RAB7A: variants seen among roughly 807,000 people sequenced by gnomAD.
RAB7A encodes the protein ras-related protein Rab-7a.
A neutral mutation model predicts 24.5 loss-of-function variants in RAB7A; 2 were observed. The ratio of observed to expected loss-of-function variants is 0.08; its 90% confidence interval spans 0.03 to 0.26. The LOEUF (loss-of-function observed/expected upper bound fraction) is 0.26, where lower values mean the gene tolerates loss of function less well. RAB7A is among the 10% of genes least tolerant of loss of function. RAB7A has a pLI of 1.00. For synonymous variants in RAB7A, 100 were observed against 95.9 expected (o/e 1.04, Z -0.25); for missense variants, 118 against 255.7 (o/e 0.46, Z 3.67).
rs148920859 is a variant in RAB7A, at chr3:128,798,311, A to C, written c.180+242A>C. 2,529 of 442,554 alleles carry C rather than the reference A, an allele frequency of 5.7e-3. 44 individuals carry two copies. Among genetic ancestry groups the C allele is most frequent in the African/African-American group, 0.04 (1,983 of 49,874 alleles). 27.4% of individuals were successfully genotyped at this position (442,554 alleles called of 1,614,324 possible). ...ACTAAAAAATTCTTCTTAAAAAAAA[A>C]CTCAGATTTATCCTTTCTTGTTTTT... On this transcript the variant is annotated intron_variant, in intron 3 of 5. Coordinates refer to ENST00000265062, the MANE Select transcript of RAB7A (RefSeq NM_004637.6).
chr3:128,748,524 T>G (rs1269136283), intron 1 of RAB7A: 2 of 152,244 alleles, frequency 1.3e-5, no homozygotes, highest in Non-Finnish European at 2.9e-5. Context: ...TGATGGAGCC[T>G]TCCTCCAGTT....
chr3:128,738,622 C>T (rs1028482926), intron 1 of RAB7A, among the ~76,000 whole-genome samples: 1 of 152,146 alleles, frequency 6.6e-6, no homozygotes, highest in Non-Finnish European at 1.5e-5. Flanking sequence ...TTTACTGAAT[C>T]CCTGGGGCTT....
chr3:128,809,950 T>C (rs1288758547), intron 5 of RAB7A, among the ~76,000 whole-genome samples: 1 of 98,648 alleles, frequency 1.0e-5, no homozygotes, highest in African/African-American at 3.6e-5. Flanking sequence ...TTTTTTTTTT[T>C]TTTTTTTTTT....
intron 1 of RAB7A, among the ~76,000 whole-genome samples, chr3:128,781,108 GA>G (rs1933209247): frequency 6.6e-6 from 1 of 152,204 alleles, no homozygotes; most frequent in Non-Finnish European, 1.5e-5. Context: ...ATTTGTATTA[GA>G]AATACAACAA....
chr3:128,755,561 C>T (rs2070722738), intron 1 of RAB7A, among the ~76,000 whole-genome samples: 1 of 152,108 alleles, frequency 6.6e-6, no homozygotes, highest in South Asian at 2.1e-4. Context: ...AAAAGACTAA[C>T]AAAATTGACA....
chr3:128,782,995 A>G (rs1378679540), intron 1 of RAB7A, among the ~76,000 whole-genome samples: 1 of 152,142 alleles, frequency 6.6e-6, no homozygotes, highest in Non-Finnish European at 1.5e-5. Context: ...CCTCAGGGGA[A>G]CCTAAAAGAA....
intron 1 of RAB7A, chr3:128,764,948 G>A (rs1279322322): frequency 6.3e-7 from 1 of 1,595,976 alleles, no homozygotes; most frequent in East Asian, 2.2e-5. Flanking sequence ...AGGTTGATCT[G>A]GCCGTTGATG....
chr3:128,804,068 A>G (rs1174398369), intron 3 of RAB7A, among the ~76,000 whole-genome samples: 1 of 151,794 alleles, frequency 6.6e-6, no homozygotes, highest in Non-Finnish European at 1.5e-5. Context: ...ACCCCGAGAA[A>G]CTGTTATCAC....
intron 3 of RAB7A, among the ~76,000 whole-genome samples, chr3:128,800,664 ACT>A (rs1933678972): frequency 6.6e-6 from 1 of 152,078 alleles, no homozygotes; most frequent in South Asian, 2.1e-4. Flanking sequence ...CTGTCAGGTG[ACT>A]CTTGGCAGTA....
intron 4 of RAB7A, among the ~76,000 whole-genome samples, chr3:128,806,989 C>T (rs144616490): frequency 6.6e-6 from 1 of 152,360 alleles, no homozygotes; most frequent in East Asian, 1.9e-4. Context: ...AATACCATTT[C>T]TGTTGGAAAC....
At chr3:128,771,835 G>A (rs1303828250) in intron 1 of RAB7A, among the ~76,000 whole-genome samples, 2 of 152,190 alleles carry the variant, frequency 1.3e-5, no homozygotes, top group Non-Finnish European at 2.9e-5. Context: ...CTTGGCTTCA[G>A]CCCTGGAAGC....
At chr3:128,787,644 T>C (rs1469000659) in intron 1 of RAB7A, among the ~76,000 whole-genome samples, 1 of 152,242 alleles carries the variant, frequency 6.6e-6, no homozygotes, top group African/African-American at 2.4e-5. Flanking sequence ...ATCCTCTTTA[T>C]CTGCAGTCAA....
chr3:128,808,315 G>A (rs189130420), intron 5 of RAB7A, among the ~76,000 whole-genome samples: 146 of 152,176 alleles, frequency 9.6e-4, no homozygotes, highest in Middle Eastern at 6.8e-3. Context: ...AGCCAAGATC[G>A]TGCCACTGTA....
rs563116703 is a variant in RAB7A at position 128,745,944 on chromosome 3, C to T, written c.-9+19585C>T. Among the ~76,000 whole-genome samples the T allele has an allele frequency of 4.0e-4, 61 of 152,352 alleles. 2 individuals are homozygous for T. In the South Asian group the frequency reaches 0.012, roughly 29 times the overall value. On this transcript the variant is annotated intron_variant, in intron 1 of 5. Coordinates refer to ENST00000265062, the MANE Select transcript of RAB7A (RefSeq NM_004637.6). ...ACAGCAATGTGGGCTTCTTGACCAG[C>T]GCCCCCTGGCACCTATTTAAGTCCA...
chr3:128,736,385 T>C (rs902166497), intron 1 of RAB7A, among the ~76,000 whole-genome samples: 2 of 152,218 alleles, frequency 1.3e-5, no homozygotes, highest in African/African-American at 4.8e-5. Context: ...ACTAGTCTGT[T>C]TCTTTTGAAA....
At chr3:128,792,036 T>G (rs776510076) in intron 1 of RAB7A, among the ~76,000 whole-genome samples, 2 of 152,348 alleles carry the variant, frequency 1.3e-5, no homozygotes, top group Non-Finnish European at 2.9e-5. Context: ...TCCCATAGAT[T>G]ACAGCATTTT....
chr3:128,810,342 T>C (rs1933898518), intron 5 of RAB7A, among the ~76,000 whole-genome samples: 1 of 152,208 alleles, frequency 6.6e-6, no homozygotes, highest in Non-Finnish European at 1.5e-5. Context: ...ATTGGAATTT[T>C]TTTCTTCAAG....
chr3:128,795,407 C>T lies in RAB7A; in HGVS notation c.40C>T (p.Leu14=). The change falls in exon 2 of 6, where the codon CTG becomes TTG. Residue 14 remains leucine, a synonymous_variant. Transcript: ENST00000265062. The part of the protein sequence containing the change: ...RKKVLLKVII[L]GDSGVGKTSL... ...GAAAGTGTTGCTGAAGGTTATCATC[C>T]TGGGAGATTCTGGGTAAGTTACTCA... The T allele has an allele frequency of 6.2e-7, 1 of 1,612,538 alleles. No homozygotes were observed. Among genetic ancestry groups the T allele is most frequent in the Non-Finnish European group, 8.5e-7 (1 of 1,178,656 alleles).
intron 1 of RAB7A, among the ~76,000 whole-genome samples, chr3:128,728,145 G>T (rs554202526): frequency 1.6e-4 from 25 of 152,288 alleles, no homozygotes; most frequent in African/African-American, 5.5e-4. Flanking sequence ...GGAGATAGGC[G>T]TGGTTCCTGT....
Sources: allele counts gnomAD v4.1 joint callset (sites outside exome capture counted in the v4.1 genomes callset), GRCh38; gene constraint gnomAD v4.1.1; transcripts MANE v1.5; gene names NCBI Gene and HGNC (gene_info 2026-07-23, HGNC 2026-07-21).